Variants in CCDC169 observed in about 807,000 individuals in gnomAD.
CCDC169 encodes the protein coiled-coil domain-containing protein 169.
A neutral mutation model predicts 36.0 loss-of-function variants in CCDC169; 30 were observed. That is an observed-to-expected ratio of 0.83 (90% CI 0.62 to 1.13). The LOEUF (loss-of-function observed/expected upper bound fraction) is 1.13, where lower values mean the gene tolerates loss of function less well. Ranked by LOEUF, CCDC169 falls within the 50% of genes most tolerant of loss-of-function variation. The pLI is 0.00. For synonymous variants in CCDC169, 85 were observed against 81.5 expected (o/e 1.04, Z -0.23); for missense variants, 245 against 245.9 (o/e 1.00, Z 0.03).
At position 36,285,618 on chromosome 13, in the gene CCDC169, G is replaced by GATAC. The variant is rs374083543; in HGVS notation, c.164-1920_164-1917dup. Among the ~76,000 whole-genome samples, 994 of 133,580 alleles carry GATAC rather than the reference G, an allele frequency of 7.4e-3. 5 individuals are homozygous for GATAC. The highest frequency in any genetic ancestry group is 0.011 in the Non-Finnish European group (682 of 61,454). The allele number at this position is 133,580 out of a possible 152,430, so 87.6% of individuals were successfully genotyped here. On this transcript the variant is annotated intron_variant, in intron 2 of 7. Transcript: ENST00000239859. Reference sequence around the variant, plus strand: ...AGATAGATAGATAGATAGATAGATAGATACATAGATACATAGATACATAGA... The same window carrying GATAC: ...AGATAGATAGATAGATAGATAGATAGATACATACATAGATACATAGATACATAGA...
At chr13:36,281,970 A>C (rs553792358) in intron 4 of CCDC169, among the ~76,000 whole-genome samples, 34 of 152,388 alleles carry the variant, frequency 2.2e-4, no homozygotes, top group African/African-American at 7.7e-4. Flanking sequence ...ATATAGTTTA[A>C]AGATAACATT....
chr13:36,248,725 T>C (rs867174163), intron 6 of CCDC169, 43 bp from the exon 7 acceptor site: 1 of 1,506,702 alleles, frequency 6.6e-7, no homozygotes. Flanking sequence ...TGGTTCATAA[T>C]TGATTTCAGA....
At chr13:36,292,243 C>T (rs939921119) in intron 2 of CCDC169, among the ~76,000 whole-genome samples, 2 of 152,134 alleles carry the variant, frequency 1.3e-5, no homozygotes, top group Non-Finnish European at 2.9e-5. Flanking sequence ...ATCTGCCTGC[C>T]TTGGCCTCCC....
At chr13:36,245,367 G>A (rs550841274) in intron 7 of CCDC169, among the ~76,000 whole-genome samples, 8 of 151,920 alleles carry the variant, frequency 5.3e-5, no homozygotes, top group South Asian at 2.1e-4. Flanking sequence ...TGGTGCAATC[G>A]TGGCTCACTG....
At chr13:36,289,974 A>C (rs1878670153) in intron 2 of CCDC169, among the ~76,000 whole-genome samples, 1 of 152,182 alleles carries the variant, frequency 6.6e-6, no homozygotes, top group African/African-American at 2.4e-5. Context: ...GAATCTTTTT[A>C]CAGCTTCCAG....
chr13:36,239,782 G>A (rs2138414930), intron 7 of CCDC169, among the ~76,000 whole-genome samples: 1 of 152,012 alleles, frequency 6.6e-6, no homozygotes, highest in South Asian at 2.1e-4. Flanking sequence ...TCCAAAGTCA[G>A]TGCCGATTTT....
intron 6 of CCDC169, among the ~76,000 whole-genome samples, chr13:36,249,422 C>T (rs887540643): frequency 2.0e-5 from 3 of 152,138 alleles, no homozygotes; most frequent in African/African-American, 7.2e-5. Flanking sequence ...TGTAAAATGC[C>T]TCACAGATGC....
chr13:36,232,837 C>T (rs1870593142), intron 7 of CCDC169, among the ~76,000 whole-genome samples: 1 of 151,994 alleles, frequency 6.6e-6, no homozygotes, highest in East Asian at 1.9e-4. Context: ...GCAGAGGTTG[C>T]AGTGAGCCGA....
In CCDC169 at chr13:36,287,548, A is replaced by G. The variant is rs916933752; in HGVS notation, c.164-3846T>C. ...TGCATGTATGTATACATGTTTAGAT[A>G]TATTTATGTAATATTCATGTATTAT... is the stretch of plus-strand genomic sequence containing the variant. On this transcript the variant is annotated intron_variant, in intron 2 of 7. Coordinates refer to ENST00000239859, the MANE Select transcript of CCDC169 (RefSeq NM_001144981.3). Among the ~76,000 whole-genome samples, 7 of 152,336 alleles carry G rather than the reference A, an allele frequency of 4.6e-5. No individual in the cohort carries two copies. The South Asian group carries it at 1.5e-3, about 32-fold the overall frequency.
intron 4 of CCDC169, among the ~76,000 whole-genome samples, chr13:36,270,630 C>T (rs1256523733): frequency 6.6e-6 from 1 of 152,108 alleles, no homozygotes; most frequent in African/African-American, 2.4e-5. Context: ...TACTTACAGC[C>T]AGCTGATCTT....
intron 4 of CCDC169, among the ~76,000 whole-genome samples, chr13:36,273,116 T>C (rs1321896349): frequency 6.6e-6 from 1 of 152,206 alleles, no homozygotes; most frequent in Non-Finnish European, 1.5e-5. Context: ...TTTGTTTAAA[T>C]CACTCACCTG....
downstream of CCDC169, among the ~76,000 whole-genome samples, chr13:36,227,914 A>T (rs767234397): frequency 2.0e-5 from 3 of 152,218 alleles, no homozygotes; most frequent in Non-Finnish European, 4.4e-5. Flanking sequence ...AAATGGAATT[A>T]TGCAATATAT....
At chr13:36,248,524 A>T (rs755964883) in intron 7 of CCDC169, 82 bp downstream of exon 7, 3 of 1,345,048 alleles carry the variant, frequency 2.2e-6, no homozygotes, top group Admixed American at 4.6e-5. Flanking sequence ...TCAGCTTCCA[A>T]AATATAGTGG....
intron 6 of CCDC169, 143 bp from the exon 7 acceptor site, chr13:36,248,825 T>A: frequency 1.4e-6 from 1 of 690,052 alleles, no homozygotes; most frequent in Non-Finnish European, 2.4e-6. Flanking sequence ...AATGGGAAAT[T>A]CTGGCCTTCT....
chr13:36,295,867 A>G lies in CCDC169; in HGVS notation c.84-10T>C. ...GAGTTGCACTGCATCCCTGTTATTT[A>G]AAATATTTTTGTTGATTATAATTCA... On this transcript the variant is annotated splice_polypyrimidine_tract_variant and intron_variant, in intron 1 of 7. Coordinates refer to ENST00000239859, the MANE Select transcript of CCDC169 (RefSeq NM_001144981.3). 2 of 1,487,302 alleles carry G rather than the reference A, an allele frequency of 1.3e-6. No individual in the cohort carries two copies. The highest frequency in any genetic ancestry group is 1.7e-4 in the Middle Eastern group (1 of 5,770). 92.1% of individuals were successfully genotyped at this position (1,487,302 alleles called of 1,614,324 possible). A position where few individuals can be genotyped will look rare whatever the true frequency, so the allele number is the denominator to read the frequency against.
downstream of CCDC169, among the ~76,000 whole-genome samples, chr13:36,230,145 T>G (rs374681957): frequency 7.4e-4 from 113 of 152,346 alleles, 1 homozygote; most frequent in East Asian, 0.013. Context: ...ATGCACTTGG[T>G]ATTCATTACT....
intron 4 of CCDC169, among the ~76,000 whole-genome samples, chr13:36,256,140 C>T (rs1566071020): frequency 6.6e-6 from 1 of 152,194 alleles, no homozygotes; most frequent in Non-Finnish European, 1.5e-5. Context: ...AGATCATCTG[C>T]AGTTTGCCCT....
chr13:36,258,685 A>C (rs905312150), intron 4 of CCDC169, among the ~76,000 whole-genome samples: 3 of 152,188 alleles, frequency 2.0e-5, no homozygotes, highest in Non-Finnish European at 4.4e-5. Flanking sequence ...CGGAAAACTC[A>C]TGAATAATCC....
chr13:36,277,954 A>AG (rs1877045912), intron 4 of CCDC169, among the ~76,000 whole-genome samples: 1 of 152,234 alleles, frequency 6.6e-6, no homozygotes, highest in African/African-American at 2.4e-5. Context: ...CAAAAAAAAA[A>AG]AAAAAAAGAT....
Sources: gnomAD v4.1 joint callset for allele counts (sites outside exome capture counted in the v4.1 genomes callset) on GRCh38, gnomAD v4.1.1 for gene constraint, MANE v1.5 for transcripts, NCBI Gene and HGNC (gene_info 2026-07-23, HGNC 2026-07-21) for gene names.